PTPRN2: variants seen among roughly 807,000 people sequenced by gnomAD.
The protein encoded by PTPRN2 is receptor-type tyrosine-protein phosphatase N2.
In PTPRN2, 74 loss-of-function variants were observed where a neutral mutation model predicts 118.8. The observed-to-expected ratio is 0.62, with a 90% CI of 0.52 to 0.76. PTPRN2 has a LOEUF of 0.76. Among genes scored for constraint, PTPRN2 ranks in the 30% least tolerant of loss-of-function variants. PTPRN2 has a pLI of 0.00. For synonymous variants in PTPRN2, 641 were observed against 608.0 expected (o/e 1.05, Z -0.80); for missense variants, 1,481 against 1,394.4 (o/e 1.06, Z -0.99).
intron 11 of PTPRN2, chr7:158,030,387 C>A (rs1036835441): frequency 1.3e-5 from 2 of 152,244 alleles, no homozygotes; most frequent in African/African-American, 4.8e-5. Flanking sequence ...TGTCCCCCAG[C>A]AAAGCACAGA....
chr7:158,337,071 C>T (rs1189410183), intron 2 of PTPRN2, among the ~76,000 whole-genome samples: 1 of 143,422 alleles, frequency 7.0e-6, no homozygotes, highest in Non-Finnish European at 1.6e-5. Flanking sequence ...TAAGAGCTGA[C>T]ACCCGCAGAC....
chr7:158,546,073 G>A lies in PTPRN2; in HGVS notation c.112+41485C>T, dbSNP rs1041805757. 6.6e-6 allele frequency among the ~76,000 whole-genome samples: 1 copy of A among 152,238 alleles called. No individual in the cohort carries two copies. Among genetic ancestry groups the A allele is most frequent in the Non-Finnish European group, 1.5e-5 (1 of 68,038 alleles). On this transcript the variant is annotated intron_variant, in intron 1 of 22. Coordinates refer to ENST00000389418, the MANE Select transcript of PTPRN2 (RefSeq NM_002847.5). This position sits in a 1 kb window ranked among gnomAD's most constrained non-coding sequence, Gnocchi z 5.0. ...TAATTTACCTCCAGCAAGGGCTGGA[G>A]ACCAAAAAAACTGGGCCAACGGCCC... is the stretch of plus-strand genomic sequence containing the variant.
At chr7:157,927,113 G>C in intron 11 of PTPRN2, among the ~76,000 whole-genome samples, 4 of 130,174 alleles carry the variant, frequency 3.1e-5, no homozygotes, top group African/African-American at 5.7e-5. Context: ...ACCCGTCTGA[G>C]AACAGAGGCC....
chr7:157,834,869 C>T (rs1807827225), intron 12 of PTPRN2, among the ~76,000 whole-genome samples: 1 of 152,210 alleles, frequency 6.6e-6, no homozygotes, highest in South Asian at 2.1e-4. Context: ...GCTTTCAATG[C>T]TTCTCTTAGC....
At position 157,953,498 on chromosome 7, in the gene PTPRN2, G is replaced by A. The variant is rs1023135531; in HGVS notation, c.1724-54761C>T. 5.9e-5 allele frequency among the ~76,000 whole-genome samples: 9 copies of A among 152,180 alleles called. No individual in the cohort carries two copies. Among genetic ancestry groups the A allele is most frequent in the Non-Finnish European group, 1.3e-4 (9 of 68,032 alleles). ...CCTGCCCACCTTCTTCACACCATGA[G>A]GCTGCTGGCACGGGTGCCTTTGCTG... On this transcript the variant is annotated intron_variant, in intron 11 of 22. Transcript: ENST00000389418. The surrounding 1 kb of genome is among the most constrained non-coding windows in gnomAD (Gnocchi z 4.6).
At chr7:158,523,913 A>G (rs576434568) in intron 1 of PTPRN2, among the ~76,000 whole-genome samples, 40 of 7,262 alleles carry the variant, frequency 5.5e-3, no homozygotes, top group East Asian at 0.013. Context: ...GAGTGGAGTC[A>G]TCTGCCCTGG....
At chr7:157,820,955 C>A (rs1202959493) in intron 12 of PTPRN2, among the ~76,000 whole-genome samples, 2 of 152,184 alleles carry the variant, frequency 1.3e-5, no homozygotes, top group Non-Finnish European at 2.9e-5. Context: ...GTGCACCCCG[C>A]AGCCTGGTGG....
At chr7:158,075,258 T>G (rs1442351116) in intron 11 of PTPRN2, among the ~76,000 whole-genome samples, 1 of 152,150 alleles carries the variant, frequency 6.6e-6, no homozygotes, top group Non-Finnish European at 1.5e-5. Context: ...CCATCTCCGA[T>G]TCCCTAAAGC....
chr7:157,877,884 A>G (rs896458268), intron 12 of PTPRN2, among the ~76,000 whole-genome samples: 1 of 152,208 alleles, frequency 6.6e-6, no homozygotes, highest in African/African-American at 2.4e-5. Context: ...GACCGGGGAG[A>G]AGAGGAACAG....
intron 3 of PTPRN2, among the ~76,000 whole-genome samples, chr7:158,241,044 A>G (rs2150855221): frequency 6.6e-6 from 1 of 152,274 alleles, no homozygotes; most frequent in Admixed American, 6.5e-5. Context: ...CCCCCTGTGA[A>G]CGTGGATCAT....
chr7:158,404,095 C>A (rs1813161026), intron 2 of PTPRN2, among the ~76,000 whole-genome samples: 1 of 152,212 alleles, frequency 6.6e-6, no homozygotes, highest in Admixed American at 6.5e-5. Flanking sequence ...TCTGGACTTT[C>A]TATAATAAAA....
chr7:158,008,540 T>G (rs565036077), intron 11 of PTPRN2, among the ~76,000 whole-genome samples: 3 of 152,324 alleles, frequency 2.0e-5, no homozygotes, highest in Admixed American at 2.0e-4. Context: ...AGCTTAGCAT[T>G]TATTTCATAT....
intron 2 of PTPRN2, among the ~76,000 whole-genome samples, chr7:158,364,433 C>T (rs1041355552): frequency 6.6e-6 from 1 of 152,126 alleles, no homozygotes; most frequent in Non-Finnish European, 1.5e-5. Flanking sequence ...TATGCAGAGC[C>T]CCCATCCTCA....
intron 2 of PTPRN2, among the ~76,000 whole-genome samples, chr7:158,331,139 C>T (rs796786138): frequency 0.031 from 2,331 of 74,520 alleles, 15 homozygotes; most frequent in African/African-American, 0.093. Flanking sequence ...AGAGCTGACG[C>T]CCGCAGACGT....
At chr7:157,837,166 TCCATCCACCCAC>T (rs1159554343) in intron 12 of PTPRN2, among the ~76,000 whole-genome samples, 22 of 79,962 alleles carry the variant, frequency 2.8e-4, no homozygotes, top group South Asian at 1.0e-3. Flanking sequence ...CGTGTGTCCC[TCCATCCACCCAC>T]CCATCCACCC....
intron 2 of PTPRN2, among the ~76,000 whole-genome samples, chr7:158,470,144 T>C (rs1220147725): frequency 1.3e-5 from 2 of 152,228 alleles, no homozygotes; most frequent in Non-Finnish European, 2.9e-5. Flanking sequence ...AATAAAAGAA[T>C]CTCATTTGGA....
rs1489413967 is a variant in PTPRN2, at chr7:158,227,495, C to T, written c.278-22222G>A. Among the ~76,000 whole-genome samples, 4 of 152,010 alleles carry T rather than the reference C, an allele frequency of 2.6e-5. No individual in the cohort carries two copies. The South Asian group carries it at 6.2e-4, about 24-fold the overall frequency. On this transcript the variant is annotated intron_variant, in intron 3 of 22. Coordinates refer to ENST00000389418, the MANE Select transcript of PTPRN2 (RefSeq NM_002847.5). ...GTTGAAATGGGGCTGAGGAGGAGCC[C>T]CTGACGTGTGACGGGAAGACCCCAG...
chr7:158,175,145 C>A (rs890421801), intron 5 of PTPRN2, among the ~76,000 whole-genome samples: 1 of 152,200 alleles, frequency 6.6e-6, no homozygotes, highest in African/African-American at 2.4e-5. Flanking sequence ...ATTAGGAAGC[C>A]CAAGTTGGGA....
intron 11 of PTPRN2, among the ~76,000 whole-genome samples, chr7:157,957,982 A>T (rs138361621): frequency 2.4e-3 from 365 of 152,354 alleles, no homozygotes; most frequent in Middle Eastern, 6.8e-3. Flanking sequence ...TGATGCAAAA[A>T]ATCTTCGACA....
Sources: gnomAD v4.1 joint callset for allele counts (sites outside exome capture counted in the v4.1 genomes callset) on GRCh38, gnomAD v4.1.1 for gene constraint, Gnocchi (gnomAD v3.1) non-coding constraint, MANE v1.5 for transcripts, NCBI Gene and HGNC (gene_info 2026-07-23, HGNC 2026-07-21) for gene names.